The following HABP4 variants were observed in gnomAD, a reference collection of about 807,000 sequenced individuals.
HABP4 encodes the protein intracellular hyaluronan-binding protein 4.
HABP4 carries 32 observed loss-of-function variants against 44.1 expected under a neutral mutation model. The ratio of observed to expected loss-of-function variants is 0.73; its 90% confidence interval spans 0.55 to 0.97. The LOEUF is 0.97. Ranked by LOEUF, HABP4 falls within the 50% of genes least tolerant of loss-of-function variation. HABP4 has a pLI of 0.00. For synonymous variants in HABP4, 216 were observed against 218.0 expected (o/e 0.99, Z 0.08); for missense variants, 503 against 561.9 (o/e 0.90, Z 1.06).
Position 96,465,473 on chromosome 9 carries a change from G to T in HABP4, c.649G>T (p.Glu217Ter), listed in dbSNP as rs1267127653. The T allele has an allele frequency of 6.2e-7, 1 of 1,612,354 alleles. No homozygotes were observed. The highest frequency in any genetic ancestry group is 8.5e-7 in the Non-Finnish European group (1 of 1,178,450). The change falls in exon 3 of 8, where the codon GAA (glutamate) becomes TAA (stop). Residue 217 changes from glutamate (E) to a stop codon, truncating the protein, a stop_gained. Coordinates refer to ENST00000375249, the MANE Select transcript of HABP4 (RefSeq NM_014282.4). LOFTEE classifies it high-confidence loss of function. ...TGACCAGAGAGGAAAGCGAGAATTT[G>T]AAAGATATGGTGGGAATGACAAAAT... ...AFDQRGKREF[E>*]RYGGNDKIAV...
rs369178822 is a variant in HABP4 at position 96,478,218 on chromosome 9, C to T, written c.828-6244C>T. ...TGCAATCTCGGCTCACTGCAACCTC[C>T]GCCTCCCAGGTTCAAGCGATTCTCT... is the stretch of plus-strand genomic sequence containing the variant. On this transcript the variant is annotated intron_variant, in intron 5 of 7. Coordinates refer to ENST00000375249, the MANE Select transcript of HABP4 (RefSeq NM_014282.4). Among the ~76,000 whole-genome samples the T allele has an allele frequency of 4.8e-3, 728 of 152,006 alleles. 7 individuals carry two copies. Among genetic ancestry groups the T allele is most frequent in the African/African-American group, 0.017 (703 of 41,456 alleles).
chr9:96,487,102 C>G (rs554923812), intron 6 of HABP4, among the ~76,000 whole-genome samples: 62 of 151,982 alleles, frequency 4.1e-4, no homozygotes, highest in Admixed American at 7.2e-4. Context: ...AAAGCCTCTG[C>G]TTTATTTTAA....
chr9:96,486,313 A>G (rs942418820), intron 6 of HABP4, among the ~76,000 whole-genome samples: 1 of 152,204 alleles, frequency 6.6e-6, no homozygotes, highest in African/African-American at 2.4e-5. Context: ...TTGTAGACAT[A>G]GGCGGCCGGA....
intron 5 of HABP4, among the ~76,000 whole-genome samples, chr9:96,481,616 G>A (rs539588077): frequency 1.3e-3 from 203 of 151,934 alleles, no homozygotes; most frequent in African/African-American, 4.4e-3. Flanking sequence ...CTGATGGCTC[G>A]TACCTGTAGT....
intron 5 of HABP4, among the ~76,000 whole-genome samples, chr9:96,479,885 G>C (rs1184042808): frequency 6.6e-6 from 1 of 152,120 alleles, no homozygotes; most frequent in Non-Finnish European, 1.5e-5. Context: ...AAAAATGCTG[G>C]CCGGGTGCGG....
chr9:96,488,399 C>A lies in HABP4; in HGVS notation c.1185+125C>A. ...ACTTCTTTCTGTAGCTAGTGTGGGA[C>A]TGATGTTGGGGCATTTGGACGGTGT... On this transcript the variant is annotated intron_variant, in intron 7 of 7. Coordinates refer to ENST00000375249, the MANE Select transcript of HABP4 (RefSeq NM_014282.4). The surrounding 1 kb of genome is among the most constrained non-coding windows in gnomAD (Gnocchi z 4.6). 1.6e-6 allele frequency: 1 copy of A among 642,306 alleles called. No homozygotes were observed. The highest frequency in any genetic ancestry group is 2.7e-6 in the Non-Finnish European group (1 of 376,496). The allele number at this position is 642,306 out of a possible 1,614,324, so 39.8% of individuals were successfully genotyped here.
At position 96,488,415 on chromosome 9, in the gene HABP4, T is replaced by C; in HGVS notation, c.1185+141T>C. On this transcript the variant is annotated intron_variant, in intron 7 of 7. Coordinates refer to ENST00000375249, the MANE Select transcript of HABP4 (RefSeq NM_014282.4). This position sits in a 1 kb window ranked among gnomAD's most constrained non-coding sequence, Gnocchi z 4.6. ...AGTGTGGGACTGATGTTGGGGCATTTGGACGGTGTTGTAGCATCATGGACA... is the reference window on the plus strand; with the variant it reads ...AGTGTGGGACTGATGTTGGGGCATTCGGACGGTGTTGTAGCATCATGGACA... The C allele has an allele frequency of 1.6e-6, 1 of 612,668 alleles. No homozygotes were observed. The highest frequency in any genetic ancestry group is 2.8e-6 in the Non-Finnish European group (1 of 352,632). The allele number at this position is 612,668 out of a possible 1,614,324, so 38.0% of individuals were successfully genotyped here. A position where few individuals can be genotyped will look rare whatever the true frequency, so the allele number is the denominator to read the frequency against.
chr9:96,464,495 C>T (rs1042132428), intron 2 of HABP4, among the ~76,000 whole-genome samples: 2 of 152,184 alleles, frequency 1.3e-5, no homozygotes, highest in Non-Finnish European at 2.9e-5. Flanking sequence ...GAGAGGCAGA[C>T]GGAGAACTTT....
At chr9:96,451,614 C>A (rs1169983706) in intron 1 of HABP4, 2 of 224,130 alleles carry the variant, frequency 8.9e-6, no homozygotes, top group Non-Finnish European at 1.5e-5. Flanking sequence ...CCTGAGGAAA[C>A]GTCTCAGGTT....
intron 5 of HABP4, among the ~76,000 whole-genome samples, chr9:96,479,192 A>C (rs1427726420): frequency 6.6e-6 from 1 of 152,138 alleles, no homozygotes; most frequent in Non-Finnish European, 1.5e-5. Context: ...TCCTTTTCTT[A>C]CATACTGAAA....
At chr9:96,485,457 C>T (rs1029549585) in intron 6 of HABP4, among the ~76,000 whole-genome samples, 6 of 152,190 alleles carry the variant, frequency 3.9e-5, no homozygotes, top group East Asian at 1.9e-4. Context: ...GCAGACGTGG[C>T]GGGAGATGAG....
At chr9:96,477,420 T>C (rs1238680871) in intron 5 of HABP4, among the ~76,000 whole-genome samples, 1 of 152,208 alleles carries the variant, frequency 6.6e-6, no homozygotes, top group Admixed American at 6.5e-5. Flanking sequence ...GCCACTCCTG[T>C]TTCATGCATA....
In HABP4 at chr9:96,484,512, T is replaced by C; in HGVS notation, c.878T>C (p.Leu293Ser). The C allele has an allele frequency of 6.3e-7, 1 of 1,581,856 alleles. No homozygotes were observed. Among genetic ancestry groups the C allele is most frequent in the Non-Finnish European group, 8.7e-7 (1 of 1,150,622 alleles). ...EEETQVQEMT[L>S]DEWKNLQEQT... The stretch of plus-strand genomic sequence containing the variant: ...GAAACCCAAGTTCAAGAGATGACTT[T>C]AGATGAGTGGAAAAATCTTCAAGAA... The change falls in exon 6 of 8, where the codon TTA (leucine) becomes TCA (serine). Residue 293 changes from leucine to serine, a missense_variant. By Grantham distance (145) the Leu-to-Ser change is moderately radical. Transcript: ENST00000375249.
At position 96,470,272 on chromosome 9, in the gene HABP4, G is replaced by A. The variant is rs1004437054; in HGVS notation, c.744-739G>A. Among the ~76,000 whole-genome samples, 5 of 152,028 alleles carry A rather than the reference G, an allele frequency of 3.3e-5. No individual in the cohort carries two copies. In the East Asian group the frequency reaches 5.9e-4, roughly 18 times the overall value. ...TACAGTGAGCTGTGATGGCGCCACCGCACTCCAACCACCATGCCCAGCTAA... is the reference window on the plus strand; with the variant it reads ...TACAGTGAGCTGTGATGGCGCCACCACACTCCAACCACCATGCCCAGCTAA... On this transcript the variant is annotated intron_variant, in intron 4 of 7. Transcript: ENST00000375249.
chr9:96,453,902 T>A (rs550140730), intron 1 of HABP4, among the ~76,000 whole-genome samples: 1 of 152,312 alleles, frequency 6.6e-6, no homozygotes, highest in East Asian at 1.9e-4. Context: ...GGATGCTGAT[T>A]ATCTTTGTTT....
intron 2 of HABP4, 86 bp downstream of exon 2, chr9:96,458,627 T>A (rs1217174299): frequency 1.3e-4 from 23 of 182,038 alleles, no homozygotes; most frequent in Non-Finnish European, 2.3e-4. Flanking sequence ...TCTTTCTTTC[T>A]TTTTTTTTTT....
chr9:96,489,524 CTG>C (rs1833043209), intron 7 of HABP4, among the ~76,000 whole-genome samples: 1 of 152,166 alleles, frequency 6.6e-6, no homozygotes, highest in South Asian at 2.1e-4. Context: ...AAAACCTTGC[CTG>C]ACCTTGGTGT....
At chr9:96,457,383 GCA>G (rs1204231637) in intron 1 of HABP4, among the ~76,000 whole-genome samples, 1 of 152,136 alleles carries the variant, frequency 6.6e-6, no homozygotes, top group Non-Finnish European at 1.5e-5. Flanking sequence ...TGTGGTCCCA[GCA>G]CAGTGTCCAA....
chr9:96,450,597 C>A lies in HABP4; in HGVS notation c.318C>A (p.Pro106=), dbSNP rs371126575. ...KSLPAPVAQR[P]DSPGGGLQAP... ...TCCCGGCGCCCGTCGCTCAGCGGCC[C>A]GATAGCCCCGGGGGCGGCCTGCAGG... The change falls in exon 1 of 8, where the codon CCC becomes CCA. Residue 106 remains proline, a synonymous_variant. Transcript: ENST00000375249. This position sits in a 1 kb window ranked among gnomAD's most constrained non-coding sequence, Gnocchi z 4.8. 1.4e-5 allele frequency: 18 copies of A among 1,283,966 alleles called. No homozygotes were observed. Among genetic ancestry groups the A allele is most frequent in the Admixed American group, 3.8e-5 (1 of 26,234 alleles). 79.5% of individuals were successfully genotyped at this position (1,283,966 alleles called of 1,614,324 possible). A position where few individuals can be genotyped will look rare whatever the true frequency, so the allele number is the denominator to read the frequency against.
Sources: allele counts gnomAD v4.1 joint callset (sites outside exome capture counted in the v4.1 genomes callset), GRCh38; gene constraint gnomAD v4.1.1; non-coding constraint Gnocchi (gnomAD v3.1); transcripts MANE v1.5; gene names NCBI Gene and HGNC (gene_info 2026-07-23, HGNC 2026-07-21).